Variants in PPP3CB observed in about 807,000 individuals in gnomAD.
The protein encoded by PPP3CB is protein phosphatase 3 catalytic subunit beta.
A neutral mutation model predicts 66.4 loss-of-function variants in PPP3CB; 8 were observed. That is an observed-to-expected ratio of 0.12 (90% confidence interval 0.07 to 0.22). PPP3CB has a LOEUF of 0.22. Ranked by LOEUF, PPP3CB falls within the 10% of genes least tolerant of loss-of-function variation. PPP3CB has a pLI of 1.00. For missense variants in PPP3CB, 319 were observed against 642.5 expected (o/e 0.50, Z 5.44); for synonymous variants, 208 against 221.2 (o/e 0.94, Z 0.53).
At chr10:73,439,706 T>A (rs952583735) in intron 13 of PPP3CB, among the ~76,000 whole-genome samples, 166 bp downstream of exon 13, 2 of 151,862 alleles carry the variant, frequency 1.3e-5, no homozygotes, top group African/African-American at 4.8e-5. Context: ...GATTTAAAAA[T>A]GAAAAATTAA....
At chr10:73,444,181 T>A (rs2132770364) in intron 12 of PPP3CB, 1 of 159,492 alleles carries the variant, frequency 6.3e-6, no homozygotes, top group East Asian at 1.9e-4. Context: ...AACTTTGGCA[T>A]CATTTACCAG....
rs574022832 is a variant in PPP3CB at position 73,442,714 on chromosome 10, GT to G, written c.1366+2010del. 9.1e-4 allele frequency among the ~76,000 whole-genome samples: 126 copies of G among 139,020 alleles called. 1 individual carries two copies. The highest frequency in any genetic ancestry group is 2.3e-3 in the African/African-American group (89 of 38,064). 91.2% of individuals were successfully genotyped at this position (139,020 alleles called of 152,430 possible). On this transcript the variant is annotated intron_variant, in intron 12 of 13. Coordinates refer to ENST00000360663, the MANE Select transcript of PPP3CB (RefSeq NM_021132.4). ...AATGTAAAGCAAATCAAAGCAGGTT[GT>G]TTTTTTTTTTTAAAGAAAATCAAAA...
chr10:73,444,614 A>T (rs1476857150), intron 12 of PPP3CB, 111 bp downstream of exon 12: 1 of 1,558,576 alleles, frequency 6.4e-7, no homozygotes, highest in Non-Finnish European at 8.7e-7. Flanking sequence ...CTGCTGAGAC[A>T]GGAACTAAAA....
chr10:73,444,311 G>T, intron 12 of PPP3CB: 1 of 391,728 alleles, frequency 2.6e-6, no homozygotes, highest in Non-Finnish European at 4.6e-6. Context: ...CCAATACAAT[G>T]ACATAAATTT....
Position 73,491,022 on chromosome 10 carries a change from G to GTTTTTTTTTTTTTTTTT in PPP3CB, c.85+4766_85+4782dup, listed in dbSNP as rs528238766. Among the ~76,000 whole-genome samples the GTTTTTTTTTTTTTTTTT allele has an allele frequency of 8.5e-3, 346 of 40,906 alleles. 5 individuals carry two copies. The highest frequency in any genetic ancestry group is 0.031 in the Middle Eastern group (1 of 32). The allele number at this position is 40,906 out of a possible 152,430, so 26.8% of individuals were successfully genotyped here. A position where few individuals can be genotyped will look rare whatever the true frequency, so the allele number is the denominator to read the frequency against. ...TAATTTTTGTTTGTTTGTTTTTATT[G>GTTTTTTTTTTTTTTTTT]TTTTTTTTTTTTTTTTTTTTTTTTT... On this transcript the variant is annotated intron_variant, in intron 1 of 13. Transcript: ENST00000360663.
intron 13 of PPP3CB, 95 bp downstream of exon 13, chr10:73,439,777 T>C: frequency 7.3e-7 from 1 of 1,371,700 alleles, no homozygotes; most frequent in South Asian, 1.2e-5. Flanking sequence ...CATCTTGGGC[T>C]GTAAAAGCTA....
chr10:73,462,855 C>A (rs1482792302), intron 9 of PPP3CB, among the ~76,000 whole-genome samples: 2 of 138,654 alleles, frequency 1.4e-5, no homozygotes, highest in Non-Finnish European at 3.0e-5. Flanking sequence ...GAGGCAGAAG[C>A]ATGAGAACTG....
At chr10:73,495,696 G>A in intron 1 of PPP3CB, 109 bp downstream of exon 1, 2 of 1,440,500 alleles carry the variant, frequency 1.4e-6, no homozygotes, top group East Asian at 3.3e-5. Context: ...GAGGCAGCCA[G>A]TCACTCGCCC....
At chr10:73,491,982 A>G (rs2057085543) in intron 1 of PPP3CB, among the ~76,000 whole-genome samples, 1 of 151,974 alleles carries the variant, frequency 6.6e-6, no homozygotes, top group Admixed American at 6.6e-5. Flanking sequence ...ATAAATAAAT[A>G]AATAAATAAA....
At chr10:73,454,043 T>C (rs1337202754) in intron 10 of PPP3CB, among the ~76,000 whole-genome samples, 2 of 152,194 alleles carry the variant, frequency 1.3e-5, no homozygotes, top group Non-Finnish European at 2.9e-5. Flanking sequence ...AGTTCAGGTA[T>C]GCTTCTGATG....
chr10:73,449,747 G>A (rs2056314854), intron 10 of PPP3CB, among the ~76,000 whole-genome samples: 2 of 151,810 alleles, frequency 1.3e-5, no homozygotes, highest in Admixed American at 6.6e-5. Context: ...AAACAATACA[G>A]AGCACCAAAG....
intron 1 of PPP3CB, among the ~76,000 whole-genome samples, chr10:73,482,301 T>C (rs1485874641): frequency 1.3e-5 from 2 of 151,886 alleles, no homozygotes; most frequent in Admixed American, 6.6e-5. Context: ...TCCCAGCACT[T>C]TGGAAGGCCA....
intron 9 of PPP3CB, among the ~76,000 whole-genome samples, chr10:73,459,396 G>C (rs1333266405): frequency 6.6e-6 from 1 of 152,242 alleles, no homozygotes; most frequent in Non-Finnish European, 1.5e-5. Context: ...TGAGGCAGGA[G>C]AATGGCGTGA....
intron 9 of PPP3CB, among the ~76,000 whole-genome samples, chr10:73,459,313 C>T (rs2056482430): frequency 6.6e-6 from 1 of 152,084 alleles, no homozygotes; most frequent in African/African-American, 2.4e-5. Flanking sequence ...CAGTGAAACC[C>T]TGTCTCTACT....
intron 9 of PPP3CB, among the ~76,000 whole-genome samples, chr10:73,466,284 TTTAGA>T (rs1564558955): frequency 6.6e-6 from 1 of 152,186 alleles, no homozygotes; most frequent in Non-Finnish European, 1.5e-5. Flanking sequence ...AGCATAAATA[TTTAGA>T]TTAGATATAA....
At chr10:73,495,313 T>C (rs2057173680) in intron 1 of PPP3CB, among the ~76,000 whole-genome samples, 1 of 152,204 alleles carries the variant, frequency 6.6e-6, no homozygotes, top group African/African-American at 2.4e-5. Flanking sequence ...ACCCCTGCGG[T>C]TGTCGCCAGC....
intron 10 of PPP3CB, chr10:73,448,656 G>A (rs929482898): frequency 5.6e-6 from 3 of 533,376 alleles, no homozygotes; most frequent in Non-Finnish European, 1.2e-5. Context: ...ACTCTGTCTG[G>A]TCTGTACCTT....
intron 9 of PPP3CB, among the ~76,000 whole-genome samples, chr10:73,456,188 A>G (rs530587322): frequency 2.0e-5 from 3 of 152,340 alleles, no homozygotes; most frequent in East Asian, 1.9e-4. Context: ...ATATACTAAA[A>G]GCACCCCACA....
intron 10 of PPP3CB, among the ~76,000 whole-genome samples, chr10:73,449,827 G>A (rs1051933356): frequency 1.3e-4 from 19 of 150,586 alleles, no homozygotes; most frequent in Admixed American, 9.9e-4. Context: ...ACCGAGTCTC[G>A]CTCTGTCAAC....
Sources: allele counts gnomAD v4.1 joint callset (sites outside exome capture counted in the v4.1 genomes callset), GRCh38; gene constraint gnomAD v4.1.1; transcripts MANE v1.5; gene names NCBI Gene and HGNC (gene_info 2026-07-23, HGNC 2026-07-21).